The following ATG2B variants were observed in gnomAD, a reference collection of about 807,000 sequenced individuals.
ATG2B encodes the protein autophagy related 2B, also known as autophagy-related protein 2 homolog B.
ATG2B carries 121 observed loss-of-function variants against 241.3 expected under a neutral mutation model. The ratio of observed to expected loss-of-function variants is 0.50; its 90% CI spans 0.43 to 0.58. The LOEUF is 0.58. ATG2B is among the 20% of genes least tolerant of loss of function. The pLI, the probability that ATG2B is intolerant of heterozygous loss-of-function variation, is 0.00. For missense variants in ATG2B, 2,306 were observed against 2,491.6 expected (o/e 0.93, Z 1.59); for synonymous variants, 858 against 876.6 (o/e 0.98, Z 0.37).
At chr14:96,329,676 A>T in intron 11 of ATG2B, 42 bp from the exon 12 acceptor site, 1 of 1,337,254 alleles carries the variant, frequency 7.5e-7, no homozygotes, top group South Asian at 1.3e-5. Context: ...TAGTGTTAAA[A>T]TGTAACAATT....
At chr14:96,308,045 C>T (rs1400983212) in intron 29 of ATG2B, among the ~76,000 whole-genome samples, 4 of 150,960 alleles carry the variant, frequency 2.6e-5, no homozygotes, top group Non-Finnish European at 5.9e-5. Context: ...CTCATCCTTA[C>T]AGGTACCCAG....
In ATG2B at chr14:96,308,321, A is replaced by G. The variant is rs181235549; in HGVS notation, c.4303+1132T>C. Among the ~76,000 whole-genome samples, 346 of 116,762 alleles carry G rather than the reference A, an allele frequency of 3.0e-3. 17 individuals are homozygous for G. The South Asian group carries it at 0.051, about 17-fold the overall frequency. 76.6% of individuals were successfully genotyped at this position (116,762 alleles called of 152,430 possible). A position where few individuals can be genotyped will look rare whatever the true frequency, so the allele number is the denominator to read the frequency against. ...TTTTTTTGAGACAGAATCTCGCTCT[A>G]TTACCCGGGCTGGAGTGCAGTGGCA... On this transcript the variant is annotated intron_variant, in intron 29 of 41. Coordinates refer to ENST00000359933, the MANE Select transcript of ATG2B (RefSeq NM_018036.7).
In ATG2B at chr14:96,298,693, G is replaced by C. The variant is rs531735856; in HGVS notation, c.5140-3133C>G. ...ACAATTCCATTTACATGAAGTTGCA[G>C]AACAGGAAAAAACTAATCTATGGTG... On this transcript the variant is annotated intron_variant, in intron 34 of 41. Transcript: ENST00000359933. Among the ~76,000 whole-genome samples the C allele has an allele frequency of 2.6e-5, 4 of 152,304 alleles. No homozygotes were observed. In the South Asian group the frequency reaches 6.2e-4, roughly 24 times the overall value.
chr14:96,308,281 TA>T lies in ATG2B; in HGVS notation c.4303+1171del, dbSNP rs1279319757. Among the ~76,000 whole-genome samples the T allele has an allele frequency of 6.6e-4, 26 of 39,330 alleles. 4 individuals carry two copies. Among genetic ancestry groups the T allele is most frequent in the South Asian group, 6.2e-3 (7 of 1,122 alleles). The allele number at this position is 39,330 out of a possible 152,430, so 25.8% of individuals were successfully genotyped here. On this transcript the variant is annotated intron_variant, in intron 29 of 41. Coordinates refer to ENST00000359933, the MANE Select transcript of ATG2B (RefSeq NM_018036.7). ...ACATATATATATATATATATATATA[TA>T]TTTTTTTTTTTTTTTTTTTTGAGAC...
intron 10 of ATG2B, 92 bp downstream of exon 10, chr14:96,332,213 A>AG: frequency 1.0e-6 from 1 of 987,370 alleles, no homozygotes; most frequent in Non-Finnish European, 1.5e-6. Flanking sequence ...GGCCAAGACC[A>AG]GAAAAAAAAA....
At chr14:96,298,714 T>C (rs7145485) in intron 34 of ATG2B, among the ~76,000 whole-genome samples, 150 of 152,306 alleles carry the variant, frequency 9.8e-4, no homozygotes, top group African/African-American at 3.5e-3. Flanking sequence ...AACTAATCTA[T>C]GGTGACCAAA....
chr14:96,342,717 C>CAAAAAAAAAAAAAAAACA (rs1888073342), intron 5 of ATG2B, among the ~76,000 whole-genome samples: 1 of 103,068 alleles, frequency 9.7e-6, no homozygotes, highest in African/African-American at 3.3e-5. Flanking sequence ...AGACTCTCTC[C>CAAAAAAAAAAAAAAAACA]AAAAAAAAAA....
Position 96,304,613 on chromosome 14 carries a change from A to G in ATG2B, c.4734-10T>C. ...CGAACTGTGGGGACTACTAAAAATG[A>G]GCAAAAAAAAAAAAAACCCTTTTGT... On this transcript the variant is annotated splice_polypyrimidine_tract_variant and intron_variant, in intron 31 of 41. Transcript: ENST00000359933. The G allele has an allele frequency of 2.1e-6, 3 of 1,401,634 alleles. No individual in the cohort carries two copies. The highest frequency in any genetic ancestry group is 3.6e-4 in the Middle Eastern group (2 of 5,482). 86.8% of individuals were successfully genotyped at this position (1,401,634 alleles called of 1,614,324 possible). A position where few individuals can be genotyped will look rare whatever the true frequency, so the allele number is the denominator to read the frequency against.
intron 2 of ATG2B, 138 bp from the exon 3 acceptor site, chr14:96,345,523 A>G (rs1290779155): frequency 7.1e-6 from 4 of 565,240 alleles, no homozygotes; most frequent in African/African-American, 2.0e-5. Flanking sequence ...CCAGGTAAAC[A>G]ATATTCTAGA....
intron 2 of ATG2B, among the ~76,000 whole-genome samples, chr14:96,346,310 T>G (rs1888168218): frequency 6.6e-6 from 1 of 152,188 alleles, no homozygotes; most frequent in South Asian, 2.1e-4. Context: ...TTGCAAGAAT[T>G]ACTGCCTTCC....
Position 96,289,545 on chromosome 14 carries a change from C to T in ATG2B, c.6006+111G>A. 1.5e-6 allele frequency: 2 copies of T among 1,358,722 alleles called. No homozygotes were observed. The highest frequency in any genetic ancestry group is 1.0e-6 in the Non-Finnish European group (1 of 989,738). The allele number at this position is 1,358,722 out of a possible 1,614,324, so 84.2% of individuals were successfully genotyped here. On this transcript the variant is annotated intron_variant, in intron 41 of 41. Coordinates refer to ENST00000359933, the MANE Select transcript of ATG2B (RefSeq NM_018036.7). This position sits in a 1 kb window ranked among gnomAD's most constrained non-coding sequence, Gnocchi z 4.3. ...CATGTTATTAGTGGCAGTTGCCATT[C>T]TGCTCCCAGGGATTTCTACAGAATA...
At position 96,331,542 on chromosome 14, in the gene ATG2B, C is replaced by T. The variant is rs749964591; in HGVS notation, c.1564G>A (p.Asp522Asn). The T allele has an allele frequency of 1.9e-6, 3 of 1,614,042 alleles. No individual in the cohort carries two copies. The highest frequency in any genetic ancestry group is 2.5e-6 in the Non-Finnish European group (3 of 1,179,978). The change falls in exon 11 of 42, where the codon GAT becomes AAT. Residue 522 changes from aspartate (D) to asparagine (N), a missense_variant. This residue lies in a region of ATG2B where 1,927 missense variants were observed against 2,011.2 expected (regional missense o/e 0.96). Coordinates refer to ENST00000359933, the MANE Select transcript of ATG2B (RefSeq NM_018036.7). ...GACGTTTCAGGTGGAGATAAAGGAT[C>T]AATGTGAAGCACAGAGATTGAAAAA... ...GTFSISVLHI[D>N]PLSPPETSQN...
At chr14:96,356,064 G>A (rs1331012087) in intron 1 of ATG2B, among the ~76,000 whole-genome samples, 5 of 151,898 alleles carry the variant, frequency 3.3e-5, no homozygotes, top group Non-Finnish European at 5.9e-5. Flanking sequence ...CCAGCTACTC[G>A]GGAGGCTGAG....
chr14:96,353,962 G>A lies in ATG2B; in HGVS notation c.163-6621C>T, dbSNP rs188575768. ...TGTGTACGATTTTTAAATCCCACTG[G>A]ATGAAAAAAGTTATATTTTAATATC... On this transcript the variant is annotated intron_variant, in intron 1 of 41. Coordinates refer to ENST00000359933, the MANE Select transcript of ATG2B (RefSeq NM_018036.7). 2.6e-3 allele frequency among the ~76,000 whole-genome samples: 395 copies of A among 151,974 alleles called. 5 individuals carry two copies. The highest frequency in any genetic ancestry group is 9.0e-3 in the African/African-American group (375 of 41,444).
chr14:96,341,430 C>T (rs532227987), intron 6 of ATG2B, 92 bp downstream of exon 6: 1 of 962,504 alleles, frequency 1.0e-6, no homozygotes, highest in Non-Finnish European at 1.5e-6. Context: ...ACAGGATAAT[C>T]TGCAGTAATC....
chr14:96,315,282 A>C (rs556443571), intron 22 of ATG2B, 48 bp from the exon 23 acceptor site: 2 of 1,587,354 alleles, frequency 1.3e-6, no homozygotes, highest in Non-Finnish European at 1.7e-6. Context: ...ATGTAATCCT[A>C]TAACTCAAAA....
chr14:96,315,661 C>T lies in ATG2B; in HGVS notation c.3362-78G>A, dbSNP rs1887291192. On this transcript the variant is annotated intron_variant, in intron 21 of 41. Transcript: ENST00000359933. The stretch of plus-strand genomic sequence containing the variant: ...GCTAATCAACTTACATGACTCAAAA[C>T]AAAAATCCACGTACTTCCACTGAAT... 2.7e-6 allele frequency: 3 copies of T among 1,102,444 alleles called. No homozygotes were observed. In the Admixed American group the frequency reaches 6.6e-5, roughly 24 times the overall value. 68.3% of individuals were successfully genotyped at this position (1,102,444 alleles called of 1,614,324 possible). A position where few individuals can be genotyped will look rare whatever the true frequency, so the allele number is the denominator to read the frequency against.
At position 96,363,025 on chromosome 14, in the gene ATG2B, C is replaced by T; in HGVS notation, c.-49G>A. ...ACTGCGGCTGCGGGTTGCGACGGCT[C>T]CGGCCTCGGGGTAGCGACTCCGGCT... On this transcript the variant is annotated 5_prime_UTR_variant, in exon 1 of 42. Transcript: ENST00000359933. 1 of 1,608,132 alleles carries T rather than the reference C, an allele frequency of 6.2e-7. No homozygotes were observed. The highest frequency in any genetic ancestry group is 8.5e-7 in the Non-Finnish European group (1 of 1,177,564).
At chr14:96,308,235 T>TATATATATATATAC (rs1566719587) in intron 29 of ATG2B, among the ~76,000 whole-genome samples, 11 of 22,120 alleles carry the variant, frequency 5.0e-4, no homozygotes, top group Admixed American at 1.2e-3. Flanking sequence ...TATATACATA[T>TATATATATATATAC]ATATATATAT....
Sources: allele counts gnomAD v4.1 joint callset (sites outside exome capture counted in the v4.1 genomes callset), GRCh38; gene constraint gnomAD v4.1.1; regional missense constraint gnomAD v4.1.1; non-coding constraint Gnocchi (gnomAD v3.1); transcripts MANE v1.5; gene names NCBI Gene and HGNC (gene_info 2026-07-23, HGNC 2026-07-21).